DOK7: variants seen among roughly 807,000 people sequenced by gnomAD.
DOK7 encodes protein Dok-7.
A neutral mutation model predicts 30.7 loss-of-function variants in DOK7; 32 were observed. The ratio of observed to expected loss-of-function variants is 1.04; its 90% CI spans 0.79 to 1.40. The LOEUF (loss-of-function observed/expected upper bound fraction) is 1.40, where lower values mean the gene tolerates loss of function less well. DOK7 is among the 40% of genes most tolerant of loss of function. The pLI is 0.00. For synonymous variants in DOK7, 447 were observed against 324.1 expected, an observed-to-expected ratio of 1.38 and a Z score of -4.07; for missense variants, 1,007 against 699.2, an observed-to-expected ratio of 1.44 and a Z score of -4.97.
At chr4:3,477,708 G>A (rs1024886638) in intron 4 of DOK7, among the ~76,000 whole-genome samples, 5 of 152,192 alleles carry the variant, frequency 3.3e-5, no homozygotes. Flanking sequence ...CTGGCCCGGA[G>A]TCTCGGCCCC....
chr4:3,485,246 G>C, intron 4 of DOK7: 2 of 336,672 alleles, frequency 5.9e-6, no homozygotes, highest in Non-Finnish European at 1.1e-5. Context: ...ACCTAGGATG[G>C]GCGGGGCAGC....
In DOK7 at chr4:3,473,434, C is replaced by T; in HGVS notation, c.129C>T (p.Asp43=). 6.2e-7 allele frequency: 1 copy of T among 1,611,006 alleles called. No individual in the cohort carries two copies. Among genetic ancestry groups the T allele is most frequent in the Non-Finnish European group, 8.5e-7 (1 of 1,179,816 alleles). The stretch of plus-strand genomic sequence containing the variant: ...GCCTGCTGATGCTGGTCTACAAGGA[C>T]AAGTCGGAGCGTATCAAGGGCCTGC... ...ADCLLMLVYK[D]KSERIKGLRE... is the part of the protein sequence containing the mutation. Residue 43 remains aspartate (D), a synonymous_variant, in exon 3 of 7, where the codon GAC becomes GAT. Transcript: ENST00000340083.
chr4:3,469,906 C>T (rs780483234), intron 2 of DOK7, among the ~76,000 whole-genome samples: 2 of 152,164 alleles, frequency 1.3e-5, no homozygotes, highest in East Asian at 1.9e-4. Context: ...GAGGGACGAG[C>T]GGGCCCCCAG....
Position 3,494,164 on chromosome 4 carries a change from G to C in DOK7, c.*663G>C. On this transcript the variant is annotated 3_prime_UTR_variant, in exon 7 of 7. Transcript: ENST00000340083. Reference sequence around the variant, plus strand: ...TGGTGTCCTCAGAGCAGCCTCGCCTGCTGACCCCACTGGGAGAGGCGCCGT... The same window carrying C: ...TGGTGTCCTCAGAGCAGCCTCGCCTCCTGACCCCACTGGGAGAGGCGCCGT... The C allele has an allele frequency of 2.0e-6, 2 of 985,590 alleles. No homozygotes were observed. The highest frequency in any genetic ancestry group is 4.7e-5 in the South Asian group (1 of 21,298). The allele number at this position is 985,590 out of a possible 1,614,324, so 61.1% of individuals were successfully genotyped here.
chr4:3,492,035 T>C (rs1176410036), intron 6 of DOK7, among the ~76,000 whole-genome samples: 1 of 152,214 alleles, frequency 6.6e-6, no homozygotes, highest in Non-Finnish European at 1.5e-5. Flanking sequence ...AATAAGCTTT[T>C]GCCTTCCTGG....
chr4:3,466,085 A>AG (rs1239803160), intron 2 of DOK7, among the ~76,000 whole-genome samples: 2 of 152,144 alleles, frequency 1.3e-5, no homozygotes, highest in African/African-American at 4.8e-5. Context: ...CGAGTCCTGG[A>AG]GCTGGCAGGG....
intron 4 of DOK7, chr4:3,485,290 C>T (rs1042664837): frequency 6.4e-6 from 3 of 470,226 alleles, no homozygotes; most frequent in Non-Finnish European, 7.3e-6. Flanking sequence ...AAGGGTGCGG[C>T]GGGGTCCCTG....
intron 2 of DOK7, among the ~76,000 whole-genome samples, chr4:3,468,519 A>ACTGTGC (rs1560205354): frequency 1.8e-4 from 17 of 94,142 alleles, no homozygotes; most frequent in African/African-American, 9.0e-4. Flanking sequence ...TGCGTGTATG[A>ACTGTGC]GTGTGTGTGA....
intron 4 of DOK7, among the ~76,000 whole-genome samples, chr4:3,479,789 T>C (rs2085482316): frequency 6.6e-6 from 1 of 152,186 alleles, no homozygotes; most frequent in Non-Finnish European, 1.5e-5. Context: ...CAGCTGCCTG[T>C]TCAGAATGGG....
chr4:3,479,183 C>T (rs1040117773), intron 4 of DOK7, among the ~76,000 whole-genome samples: 8 of 152,336 alleles, frequency 5.3e-5, no homozygotes, highest in Non-Finnish European at 1.0e-4. Flanking sequence ...CTGGTGGCCC[C>T]GGCGGCCTCG....
intron 3 of DOK7, among the ~76,000 whole-genome samples, chr4:3,475,181 C>G (rs1340618306): frequency 6.6e-6 from 1 of 152,234 alleles, no homozygotes; most frequent in Non-Finnish European, 1.5e-5. Context: ...GAGGGAAGAA[C>G]TGCATCTTTC....
chr4:3,497,403 G>C (rs115170086), downstream of DOK7, among the ~76,000 whole-genome samples: 1,501 of 152,102 alleles, frequency 9.9e-3, 28 homozygotes, highest in African/African-American at 0.035. Context: ...GGGCCAGGTT[G>C]GGAGGGAGGG....
chr4:3,492,764 G>A lies in DOK7; in HGVS notation c.778G>A (p.Asp260Asn), dbSNP rs1213031785. 6.2e-7 allele frequency: 1 copy of A among 1,612,548 alleles called. No homozygotes were observed. The highest frequency in any genetic ancestry group is 8.5e-7 in the Non-Finnish European group (1 of 1,179,972). Residue 260 changes from aspartate to asparagine, a missense_variant, in exon 7 of 7, where the codon GAC (aspartate) becomes AAC (asparagine). By Grantham distance (23) the Asp-to-Asn change is conservative (BLOSUM62 1). Coordinates refer to ENST00000340083, the MANE Select transcript of DOK7 (RefSeq NM_173660.5). ...GGCTTCCTGCTCTGTCTCAGGGGAT[G>A]ACCGCAGCCTGTCCAGCTCATCCTC... ...HAGRPGSGGD[D>N]RSLSSSSSEA...
chr4:3,486,459 C>T (rs943262019), intron 5 of DOK7, among the ~76,000 whole-genome samples: 12 of 152,258 alleles, frequency 7.9e-5, no homozygotes, highest in African/African-American at 2.2e-4. Flanking sequence ...GCACCCCCGC[C>T]GTGGTGTGGC....
At chr4:3,489,641 G>A (rs1577171782) in intron 5 of DOK7, 36 bp from the exon 6 acceptor site, 1 of 1,558,760 alleles carries the variant, frequency 6.4e-7, no homozygotes, top group Admixed American at 1.9e-5. Flanking sequence ...GGGCGGTGGT[G>A]GCCACCTCCT....
chr4:3,492,967 G>A lies in DOK7; in HGVS notation c.981G>A (p.Leu327=). Residue 327 remains leucine (L), a synonymous_variant, in exon 7 of 7, where the codon CTG becomes CTA. Coordinates refer to ENST00000340083, the MANE Select transcript of DOK7 (RefSeq NM_173660.5). ...PPPKPLRPRQ[L]QEVGRQSSSD... is the part of the protein sequence containing the mutation. The stretch of plus-strand genomic sequence containing the variant: ...CCAAGCCGCTGCGTCCGCGGCAGCT[G>A]CAGGAGGTTGGCCGCCAGAGCTCCT... 6.4e-7 allele frequency: 1 copy of A among 1,552,992 alleles called. No individual in the cohort carries two copies. The highest frequency in any genetic ancestry group is 8.7e-7 in the Non-Finnish European group (1 of 1,152,304).
chr4:3,489,671 C>T lies in DOK7; in HGVS notation c.653-6C>T, dbSNP rs1728054729. 5.1e-6 allele frequency: 8 copies of T among 1,565,208 alleles called. No homozygotes were observed. Among genetic ancestry groups the T allele is most frequent in the Admixed American group, 1.9e-5 (1 of 53,276 alleles). On this transcript the variant is annotated splice_polypyrimidine_tract_variant and splice_region_variant and intron_variant, in intron 5 of 6. Transcript: ENST00000340083. Reference sequence around the variant, plus strand: ...CCTCCTCCACCGAGTCTTCTCTCTGCCACAGACCCAAGTCCCCCGGGACCC... The same window carrying T: ...CCTCCTCCACCGAGTCTTCTCTCTGTCACAGACCCAAGTCCCCCGGGACCC...
chr4:3,465,148 G>A (rs2109315578), intron 2 of DOK7, among the ~76,000 whole-genome samples: 1 of 152,302 alleles, frequency 6.6e-6, no homozygotes, highest in Non-Finnish European at 1.5e-5. Flanking sequence ...GGTCACTCCA[G>A]CAGCCCAGGG....
At chr4:3,484,940 C>T in intron 4 of DOK7, 2 of 943,848 alleles carry the variant, frequency 2.1e-6, no homozygotes, top group Non-Finnish European at 2.5e-6. Context: ...TGGGATGTGA[C>T]CCCAGCTCCA....
Sources: gnomAD v4.1 joint callset for allele counts (sites outside exome capture counted in the v4.1 genomes callset) on GRCh38, gnomAD v4.1.1 for gene constraint, MANE v1.5 for transcripts, NCBI Gene and HGNC (gene_info 2026-07-23, HGNC 2026-07-21) for gene names.